ADRA1B: variants seen among roughly 807,000 people sequenced by gnomAD.
ADRA1B encodes alpha-1B adrenergic receptor.
A neutral mutation model predicts 17.9 loss-of-function variants in ADRA1B; 17 were observed. The ratio of observed to expected loss-of-function variants is 0.95; its 90% confidence interval spans 0.65 to 1.42. The LOEUF (loss-of-function observed/expected upper bound fraction) is 1.42. ADRA1B is among the 40% of genes most tolerant of loss of function. ADRA1B has a pLI of 0.00. For missense variants in ADRA1B, 681 were observed against 722.1 expected, an observed-to-expected ratio of 0.94 and a Z score of 0.65; for synonymous variants, 366 against 327.6, an observed-to-expected ratio of 1.12 and a Z score of -1.27.
In ADRA1B at chr5:159,972,622, C is replaced by G; in HGVS notation, c.*130C>G. 1 of 942,588 alleles carries G rather than the reference C, an allele frequency of 1.1e-6. No individual in the cohort carries two copies. Among genetic ancestry groups the G allele is most frequent in the South Asian group, 2.6e-5 (1 of 38,668 alleles). 58.4% of individuals were successfully genotyped at this position (942,588 alleles called of 1,614,324 possible). On this transcript the variant is annotated 3_prime_UTR_variant, in exon 2 of 2. Transcript: ENST00000306675. ...GCCCCAAGGGGAACCGGGGGGAGGG[C>G]CGGGGAGAGGGGCAGCTGCTTTTCT...
In ADRA1B at chr5:159,948,007, G is replaced by A. The variant is rs924104280; in HGVS notation, c.950-23872G>A. 3 of 985,300 alleles carry A rather than the reference G, an allele frequency of 3.0e-6. No individual in the cohort carries two copies. The African/African-American group carries it at 5.2e-5, about 17-fold the overall frequency. 61.0% of individuals were successfully genotyped at this position (985,300 alleles called of 1,614,324 possible). On this transcript the variant is annotated intron_variant, in intron 1 of 1. Coordinates refer to ENST00000306675, the MANE Select transcript of ADRA1B (RefSeq NM_000679.4). Reference sequence around the variant, plus strand: ...AATTGATTTGATCAATTACATTGCTGCTGTCTAATTAGTAAGCATGGCCAC... The same window carrying A: ...AATTGATTTGATCAATTACATTGCTACTGTCTAATTAGTAAGCATGGCCAC...
chr5:159,878,646 T>C (rs1202679389), intron 1 of ADRA1B, among the ~76,000 whole-genome samples: 1 of 152,186 alleles, frequency 6.6e-6, no homozygotes, highest in African/African-American at 2.4e-5. Flanking sequence ...GTCTCCATTT[T>C]ACAAGTAAGC....
Position 159,900,373 on chromosome 5 carries a change from T to C in ADRA1B, c.-255-15746T>C, listed in dbSNP as rs1305527887. 3.9e-5 allele frequency among the ~76,000 whole-genome samples: 6 copies of C among 152,384 alleles called. No individual in the cohort carries two copies. In the East Asian group the frequency reaches 1.2e-3, roughly 29 times the overall value. On this transcript the variant is annotated intron_variant, in intron 1 of 2. Transcript: ENST00000641205. ...GAAGTGGAATACATCTTTCCGTTTA[T>C]TCAAGGCCTCTTTTATTCCCCTCAG... is the stretch of plus-strand genomic sequence containing the variant.
intron 1 of ADRA1B, among the ~76,000 whole-genome samples, chr5:159,924,634 C>G (rs1270570400): frequency 2.0e-5 from 3 of 152,126 alleles, no homozygotes; most frequent in Non-Finnish European, 4.4e-5. Context: ...GTCGTGGTGG[C>G]ACCCACCCCT....
rs754379100 is a variant in ADRA1B, at chr5:159,972,030, CCGCGGCCGCGGCCGCCGCCGA to C, written c.1105_1125del (p.Gly369_Arg375del). ...TCGTGCGCATCCTCGGGTGCCAGTG[CCGCGGCCGCGGCCGCCGCCGA>C]CGCCGCCGCCGCCGTCGCCTGGGCG... On this transcript the variant is annotated inframe_deletion, in exon 2 of 2. Transcript: ENST00000306675. 5 of 1,400,438 alleles carry C rather than the reference CCGCGGCCGCGGCCGCCGCCGA, an allele frequency of 3.6e-6. 2 individuals carry two copies. The South Asian group carries it at 9.4e-5, about 26-fold the overall frequency. 86.8% of individuals were successfully genotyped at this position (1,400,438 alleles called of 1,614,324 possible). A position where few individuals can be genotyped will look rare whatever the true frequency, so the allele number is the denominator to read the frequency against.
At chr5:159,893,994 A>T (rs1482551304) in intron 1 of ADRA1B, among the ~76,000 whole-genome samples, 1 of 152,178 alleles carries the variant, frequency 6.6e-6, no homozygotes, top group Non-Finnish European at 1.5e-5. Flanking sequence ...GGAACCAAAC[A>T]CTAAGATAGA....
intron 1 of ADRA1B, among the ~76,000 whole-genome samples, chr5:159,944,883 G>A (rs1351287855): frequency 6.6e-6 from 1 of 152,098 alleles, no homozygotes; most frequent in Non-Finnish European, 1.5e-5. Flanking sequence ...AACAGGCAAA[G>A]CCACTGCCTC....
intron 1 of ADRA1B, among the ~76,000 whole-genome samples, chr5:159,892,944 CCCA>C (rs1348979155): frequency 6.6e-6 from 1 of 152,190 alleles, no homozygotes; most frequent in African/African-American, 2.4e-5. Context: ...AATTTACACT[CCCA>C]CCAACTGTGT....
At chr5:159,950,259 G>A (rs1755395548) in intron 1 of ADRA1B, among the ~76,000 whole-genome samples, 2 of 151,868 alleles carry the variant, frequency 1.3e-5, no homozygotes, top group Admixed American at 1.3e-4. Context: ...CTGCCCTTTT[G>A]GGTGACCCTA....
the ADRA1B span, among the ~76,000 whole-genome samples, chr5:159,987,224 C>G: frequency 6.6e-6 from 1 of 152,210 alleles, no homozygotes; most frequent in Non-Finnish European, 1.5e-5. Context: ...TCTGCAGGCC[C>G]GTAAATATTT....
chr5:159,960,708 TAAAAAA>T (rs71579107), intron 1 of ADRA1B, among the ~76,000 whole-genome samples: 1 of 118,932 alleles, frequency 8.4e-6, no homozygotes, highest in Non-Finnish European at 1.8e-5. Context: ...CCCCAGCTCT[TAAAAAA>T]AAAAAAAAAA....
the ADRA1B span, among the ~76,000 whole-genome samples, chr5:159,983,153 TCTCATGAAGG>T: frequency 6.6e-6 from 1 of 152,136 alleles, no homozygotes; most frequent in Non-Finnish European, 1.5e-5. Flanking sequence ...CCCAAAGGTT[TCTCATGAAGG>T]GGTTCCAAAG....
At position 159,916,788 on chromosome 5, in the gene ADRA1B, G is replaced by T; in HGVS notation, c.-118G>T. On this transcript the variant is annotated 5_prime_UTR_variant, in exon 1 of 2. It introduces an in-frame stop codon into an upstream open reading frame of the 5' UTR. Transcript: ENST00000306675. ...CCCGGGGGAGATGACTCCTCGCCAG[G>T]AGGGCGCCTCTGGGAAGAAGACCAC... 1 of 1,006,498 alleles carries T rather than the reference G, an allele frequency of 9.9e-7. No homozygotes were observed. 62.3% of individuals were successfully genotyped at this position (1,006,498 alleles called of 1,614,324 possible).
At chr5:159,899,944 G>C (rs1315983015) in intron 1 of ADRA1B, among the ~76,000 whole-genome samples, 1 of 152,240 alleles carries the variant, frequency 6.6e-6, no homozygotes, top group African/African-American at 2.4e-5. Flanking sequence ...TGTAAGATGA[G>C]AAGTAAGGCT....
At chr5:159,902,236 G>C (rs912097299) in intron 1 of ADRA1B, among the ~76,000 whole-genome samples, 2 of 152,188 alleles carry the variant, frequency 1.3e-5, no homozygotes, top group Admixed American at 1.3e-4. Context: ...AAATAAGTCA[G>C]TCACAAAAAG....
chr5:159,887,363 A>C (rs1045074643), intron 1 of ADRA1B, among the ~76,000 whole-genome samples: 1 of 152,236 alleles, frequency 6.6e-6, no homozygotes, highest in Non-Finnish European at 1.5e-5. Flanking sequence ...TCAAGAGGGA[A>C]TGTCAGTTAT....
rs2113282627 is a variant in ADRA1B, at chr5:159,962,333, T to C, written c.950-9546T>C. Among the ~76,000 whole-genome samples, 2 of 152,268 alleles carry C rather than the reference T, an allele frequency of 1.3e-5. 1 individual carries two copies. The highest frequency in any genetic ancestry group is 4.2e-4 in the South Asian group (2 of 4,818). On this transcript the variant is annotated intron_variant, in intron 1 of 1. Transcript: ENST00000306675. Reference sequence around the variant, plus strand: ...GGGGGCTTAATAACAAAAGATTTCATTTAAAAACTGTCTTTCTCAGGGACC... The same window carrying C: ...GGGGGCTTAATAACAAAAGATTTCACTTAAAAACTGTCTTTCTCAGGGACC...
chr5:159,868,455 G>A (rs906661059), intron 1 of ADRA1B: 3 of 152,182 alleles, frequency 2.0e-5, no homozygotes, highest in Non-Finnish European at 4.4e-5. Context: ...AAAAGGTCTT[G>A]GGAAGTTTCC....
chr5:159,981,645 A>G, the ADRA1B span, among the ~76,000 whole-genome samples: 1 of 151,974 alleles, frequency 6.6e-6, no homozygotes, highest in Non-Finnish European at 1.5e-5. Flanking sequence ...ACAGGCACCC[A>G]CCACCACGCC....
Sources: gnomAD v4.1 joint callset for allele counts (sites outside exome capture counted in the v4.1 genomes callset) on GRCh38, gnomAD v4.1.1 for gene constraint, MANE v1.5 for transcripts, NCBI Gene and HGNC (gene_info 2026-07-23, HGNC 2026-07-21) for gene names.